Variants in RAB4A observed in about 807,000 individuals in gnomAD.
RAB4A encodes the protein RAB4A, member RAS oncogene family.
In RAB4A, 20 loss-of-function variants were observed where a neutral mutation model predicts 34.5. That is an observed-to-expected ratio of 0.58 (90% CI 0.41 to 0.84). The LOEUF is 0.84. Among genes scored for constraint, RAB4A ranks in the 40% least tolerant of loss-of-function variants. The probability of loss-of-function intolerance (pLI) is 0.00; values close to 1 mark genes in which losing one functional copy is unlikely to be tolerated. For missense variants in RAB4A, 228 were observed against 274.5 expected (o/e 0.83, Z 1.20); for synonymous variants, 102 against 100.0 (o/e 1.02, Z -0.12).
At chr1:229,302,278 TATATATATATATA>T (rs1657410277) in intron 6 of RAB4A, among the ~76,000 whole-genome samples, 2 of 22,866 alleles carry the variant, frequency 8.7e-5, no homozygotes, top group African/African-American at 1.6e-4. Flanking sequence ...TATATATATA[TATATATATATATA>T]TATATATATA....
rs766765673 is a variant in RAB4A, at chr1:229,305,251, ACTT to A, written c.*1462_*1464del. 6.2e-7 allele frequency: 1 copy of A among 1,606,984 alleles called. No homozygotes were observed. The highest frequency in any genetic ancestry group is 2.2e-5 in the East Asian group (1 of 44,700). On this transcript the variant is annotated 3_prime_UTR_variant, in exon 8 of 8. Transcript: ENST00000366690. ...CTGAAGCAAATTCTCAGACTGAACT[ACTT>A]CTTAGACCTCACTGTAAGAATATTT... is the stretch of plus-strand genomic sequence containing the variant.
Position 229,305,209 on chromosome 1 carries a change from T to C in RAB4A, c.*1416T>C, listed in dbSNP as rs1383022243. The C allele has an allele frequency of 1.2e-6, 2 of 1,609,706 alleles. No individual in the cohort carries two copies. The highest frequency in any genetic ancestry group is 1.7e-6 in the Non-Finnish European group (2 of 1,178,198). On this transcript the variant is annotated 3_prime_UTR_variant, in exon 8 of 8. Transcript: ENST00000366690. ...TTTGCTTTTTTTATGCCTTGAATAT[T>C]TTATTTCAAAAAGTATCTGAAGCAA...
At chr1:229,301,603 AG>A (rs1657387336) in intron 6 of RAB4A, among the ~76,000 whole-genome samples, 4 of 152,176 alleles carry the variant, frequency 2.6e-5, no homozygotes, top group Admixed American at 2.6e-4. Context: ...ACTCATATGC[AG>A]TCTTCCAAGA....
At chr1:229,274,266 T>G (rs969881641) in intron 1 of RAB4A, among the ~76,000 whole-genome samples, 1 of 151,388 alleles carries the variant, frequency 6.6e-6, no homozygotes, top group African/African-American at 2.4e-5. Flanking sequence ...GGTCTCTGTC[T>G]GTTGCTCAGT....
intron 6 of RAB4A, among the ~76,000 whole-genome samples, chr1:229,302,182 T>C (rs1657399853): frequency 6.8e-6 from 1 of 146,384 alleles, no homozygotes; most frequent in Non-Finnish European, 1.5e-5. Context: ...TTACCATAAT[T>C]CATGAGCCAG....
At chr1:229,301,278 A>G (rs1657379764) in intron 6 of RAB4A, among the ~76,000 whole-genome samples, 1 of 152,008 alleles carries the variant, frequency 6.6e-6, no homozygotes, top group Non-Finnish European at 1.5e-5. Flanking sequence ...AGCATGTTTA[A>G]ATGCTGAGGG....
At chr1:229,297,365 G>GGT in intron 4 of RAB4A, 117 bp from the exon 5 acceptor site, 3 of 991,250 alleles carry the variant, frequency 3.0e-6, no homozygotes, top group East Asian at 2.6e-5. Context: ...TTATCTTAAA[G>GGT]GTGTTGGTGC....
chr1:229,277,609 T>C (rs1377452849), intron 1 of RAB4A, among the ~76,000 whole-genome samples: 1 of 151,402 alleles, frequency 6.6e-6, no homozygotes, highest in Non-Finnish European at 1.5e-5. Context: ...AACAAGGTCA[T>C]CTATCATATG....
At chr1:229,284,253 C>G (rs1207906307) in intron 1 of RAB4A, among the ~76,000 whole-genome samples, 1 of 151,888 alleles carries the variant, frequency 6.6e-6, no homozygotes, top group Non-Finnish European at 1.5e-5. Context: ...GCACCCACCA[C>G]CACGCCTGGC....
At chr1:229,302,830 CT>C (rs1156897829) in intron 6 of RAB4A, 31 bp from the exon 7 acceptor site, 3 of 1,475,198 alleles carry the variant, frequency 2.0e-6, no homozygotes, top group Non-Finnish European at 9.3e-7. Flanking sequence ...ACATAAAAGC[CT>C]TTTTTAAAAG....
At chr1:229,302,257 TTATATATATATATATATATATATATA>T (rs58013219) in intron 6 of RAB4A, among the ~76,000 whole-genome samples, 27 of 44,326 alleles carry the variant, frequency 6.1e-4, no homozygotes, top group East Asian at 2.3e-3. Flanking sequence ...CAGTAAATAA[TTATATATATATATATATATATATATA>T]TATATATATA....
At chr1:229,274,053 T>TTC (rs1656574331) in intron 1 of RAB4A, among the ~76,000 whole-genome samples, 1 of 132,588 alleles carries the variant, frequency 7.5e-6, no homozygotes, top group Non-Finnish European at 1.6e-5. Context: ...GTTTCCCTTT[T>TTC]TTTTTTTTTT....
At chr1:229,283,543 T>C (rs1197943339) in intron 1 of RAB4A, among the ~76,000 whole-genome samples, 1 of 152,144 alleles carries the variant, frequency 6.6e-6, no homozygotes, top group Non-Finnish European at 1.5e-5. Flanking sequence ...AGGCTTTTGC[T>C]AGGACTTTTT....
At chr1:229,275,478 G>A (rs1228098529) in intron 1 of RAB4A, among the ~76,000 whole-genome samples, 2 of 152,114 alleles carry the variant, frequency 1.3e-5, no homozygotes, top group East Asian at 3.8e-4. Context: ...CCAGTTTGTG[G>A]TTCTTTGTGA....
chr1:229,290,367 G>A (rs1485328256), intron 3 of RAB4A, among the ~76,000 whole-genome samples: 1 of 152,150 alleles, frequency 6.6e-6, no homozygotes, highest in Non-Finnish European at 1.5e-5. Flanking sequence ...CTCTTCCCTG[G>A]TCGCTGGCAG....
At chr1:229,297,033 A>T (rs1359537095) in intron 4 of RAB4A, among the ~76,000 whole-genome samples, 1 of 152,242 alleles carries the variant, frequency 6.6e-6, no homozygotes, top group Non-Finnish European at 1.5e-5. Context: ...GAAAAGGGGA[A>T]TAATGGCAGT....
intron 2 of RAB4A, among the ~76,000 whole-genome samples, chr1:229,287,970 G>T (rs1021721727): frequency 4.6e-5 from 7 of 152,116 alleles, no homozygotes; most frequent in Non-Finnish European, 1.0e-4. Context: ...GTGTATTCCC[G>T]CTGGGTTTAG....
At chr1:229,284,075 TTGTTGTTGG>T (rs1179419989) in intron 1 of RAB4A, among the ~76,000 whole-genome samples, 1 of 145,996 alleles carries the variant, frequency 6.8e-6, no homozygotes, top group African/African-American at 2.7e-5. Flanking sequence ...GTGGTTTTTT[TTGTTGTTGG>T]TGTTGTTTGG....
At chr1:229,279,857 A>G (rs1656738832) in intron 1 of RAB4A, among the ~76,000 whole-genome samples, 1 of 152,222 alleles carries the variant, frequency 6.6e-6, no homozygotes, top group African/African-American at 2.4e-5. Flanking sequence ...TGAGTGAGAA[A>G]AATTTATTGT....
Sources: allele counts gnomAD v4.1 joint callset (sites outside exome capture counted in the v4.1 genomes callset), GRCh38; gene constraint gnomAD v4.1.1; transcripts MANE v1.5; gene names NCBI Gene and HGNC (gene_info 2026-07-23, HGNC 2026-07-21).